The following PCDH11X variants were observed in gnomAD, a reference collection of about 807,000 sequenced individuals.
The protein encoded by PCDH11X is protocadherin 11 X-linked, also known as protocadherin-11 X-linked.
A neutral mutation model predicts 53.3 loss-of-function variants in PCDH11X; 18 were observed. The ratio of observed to expected loss-of-function variants is 0.34; its 90% CI spans 0.23 to 0.50. The LOEUF (loss-of-function observed/expected upper bound fraction) is 0.50, where lower values mean the gene tolerates loss of function less well. PCDH11X is among the 20% of genes least tolerant of loss of function. The probability of loss-of-function intolerance (pLI) is 0.98; values close to 1 mark genes in which losing one functional copy is unlikely to be tolerated. For missense variants in PCDH11X, 570 were observed against 1,032.4 expected, an observed-to-expected ratio of 0.55 and a Z score of 6.14; for synonymous variants, 279 against 393.3, an observed-to-expected ratio of 0.71 and a Z score of 3.44.
intron 10 of PCDH11X, among the ~76,000 whole-genome samples, chrX:92,474,219 CAT>C (rs1324912804): frequency 1.8e-5 from 2 of 110,965 alleles, no homozygotes; most frequent in East Asian, 5.7e-4. Flanking sequence ...TTCTTTGTCT[CAT>C]AGTTTTTATA....
intron 10 of PCDH11X, among the ~76,000 whole-genome samples, chrX:92,471,828 G>A (rs1433102116): frequency 1.9e-5 from 2 of 106,285 alleles, no homozygotes; most frequent in African/African-American, 6.9e-5. Context: ...GTATCTCATT[G>A]TGGATTTGAT....
At chrX:92,547,976 G>A (rs1209483352) in intron 10 of PCDH11X, among the ~76,000 whole-genome samples, 2 of 109,285 alleles carry the variant, frequency 1.8e-5, no homozygotes, top group Non-Finnish European at 3.8e-5. Flanking sequence ...TTCTATTTTT[G>A]TAAAGTGTCA....
chrX:92,259,574 A>G (rs1027614347), intron 7 of PCDH11X, among the ~76,000 whole-genome samples: 1 of 111,817 alleles, frequency 8.9e-6, no homozygotes, highest in Non-Finnish European at 1.9e-5. Flanking sequence ...CGCCATTTCC[A>G]TGATCCAATC....
intron 10 of PCDH11X, among the ~76,000 whole-genome samples, chrX:92,511,683 T>G (rs964119626): frequency 1.8e-5 from 2 of 111,660 alleles, no homozygotes; most frequent in African/African-American, 6.5e-5. Flanking sequence ...GTTTCTACGT[T>G]GATGCATTCT....
chrX:92,220,383 G>A (rs1479321785), intron 7 of PCDH11X, among the ~76,000 whole-genome samples: 15 of 97,314 alleles, frequency 1.5e-4, no homozygotes, highest in African/African-American at 5.7e-4. Context: ...CAAAAAGTGG[G>A]CAAAGGACAT....
At chrX:92,505,377 T>A (rs936312871) in intron 10 of PCDH11X, among the ~76,000 whole-genome samples, 2 of 109,969 alleles carry the variant, frequency 1.8e-5, no homozygotes, top group African/African-American at 6.6e-5. Context: ...AATTTTTGTG[T>A]ATGGTATAAG....
chrX:92,503,201 GC>G (rs1169381062), intron 10 of PCDH11X, among the ~76,000 whole-genome samples: 1 of 104,609 alleles, frequency 9.6e-6, no homozygotes, highest in Non-Finnish European at 2.0e-5. Flanking sequence ...AGTCAGAATG[GC>G]TATTACTAAA....
intron 6 of PCDH11X, among the ~76,000 whole-genome samples, chrX:92,095,029 G>A (rs1339714136): frequency 9.0e-6 from 1 of 110,744 alleles, no homozygotes. Context: ...TGAAGAACAC[G>A]GAGCAACAAG....
chrX:92,437,221 G>A (rs1333518534), intron 9 of PCDH11X, among the ~76,000 whole-genome samples: 1 of 111,148 alleles, frequency 9.0e-6, no homozygotes, highest in Non-Finnish European at 1.9e-5. Flanking sequence ...TAAGGCTGAA[G>A]TTTAACATAC....
intron 9 of PCDH11X, among the ~76,000 whole-genome samples, chrX:92,451,617 T>C (rs909439325): frequency 2.7e-5 from 3 of 111,329 alleles, no homozygotes; most frequent in African/African-American, 9.8e-5. Flanking sequence ...GTTTGCTAAG[T>C]AGGCATATTC....
chrX:92,597,490 A>G (rs986339754), intron 10 of PCDH11X, among the ~76,000 whole-genome samples: 4 of 111,785 alleles, frequency 3.6e-5, no homozygotes, highest in African/African-American at 1.3e-4. Context: ...AGATCGCTAT[A>G]ATAAAAAACT....
intron 7 of PCDH11X, among the ~76,000 whole-genome samples, chrX:92,217,643 A>G (rs2066751368): frequency 9.8e-6 from 1 of 101,974 alleles, no homozygotes; most frequent in Non-Finnish European, 2.0e-5. Context: ...AGACAGATCA[A>G]TGAGACAGAA....
chrX:92,388,085 G>A (rs1242657987), intron 9 of PCDH11X, 152 bp downstream of exon 9: 1 of 616,974 alleles, frequency 1.6e-6, no homozygotes, highest in Non-Finnish European at 2.6e-6. Context: ...TAGATGGATG[G>A]CAAGTATAAG....
At chrX:91,820,945 CTTGT>C (rs2147582866) in intron 4 of PCDH11X, among the ~76,000 whole-genome samples, 1 of 108,654 alleles carries the variant, frequency 9.2e-6, no homozygotes, top group East Asian at 2.8e-4. Context: ...TTCCCCATTG[CTTGT>C]TTTTCTCAAG....
chrX:91,938,760 A>G (rs1383121561), intron 6 of PCDH11X, among the ~76,000 whole-genome samples: 2 of 111,055 alleles, frequency 1.8e-5, no homozygotes, highest in Non-Finnish European at 3.8e-5. Context: ...GGCACTGAAC[A>G]GAGTACTCCA....
intron 10 of PCDH11X, among the ~76,000 whole-genome samples, chrX:92,480,033 T>G (rs2073469646): frequency 9.0e-6 from 1 of 110,844 alleles, no homozygotes; most frequent in South Asian, 3.8e-4. Flanking sequence ...TTTTTGGAGG[T>G]TTTATGTATT....
chrX:92,181,019 T>A (rs1487543045), intron 6 of PCDH11X, among the ~76,000 whole-genome samples: 1 of 110,296 alleles, frequency 9.1e-6, no homozygotes, highest in African/African-American at 3.3e-5. Flanking sequence ...CAGGCAGAGG[T>A]TGGAAGAGTT....
chrX:92,118,060 G>A (rs892514885), intron 6 of PCDH11X, among the ~76,000 whole-genome samples: 3 of 111,528 alleles, frequency 2.7e-5, no homozygotes, highest in Admixed American at 9.6e-5. Flanking sequence ...GCATACTGCT[G>A]TTTTAAAACA....
At chrX:92,585,429 C>T (rs758659955) in intron 10 of PCDH11X, among the ~76,000 whole-genome samples, 8 of 102,233 alleles carry the variant, frequency 7.8e-5, no homozygotes, top group Admixed American at 2.1e-4. Flanking sequence ...TGGAGTGCAG[C>T]GGTGCTATCT....
Sources: gnomAD v4.1 joint callset for allele counts (sites outside exome capture counted in the v4.1 genomes callset) on GRCh38, gnomAD v4.1.1 for gene constraint, MANE v1.5 for transcripts, NCBI Gene and HGNC (gene_info 2026-07-23, HGNC 2026-07-21) for gene names.